Variants in PCDHA4 observed in about 807,000 individuals in gnomAD.
The protein encoded by PCDHA4 is protocadherin alpha 4.
A neutral mutation model predicts 61.4 loss-of-function variants in PCDHA4; 49 were observed. The ratio of observed to expected loss-of-function variants is 0.80; its 90% CI spans 0.63 to 1.01. PCDHA4 has a LOEUF of 1.01. Ranked by LOEUF, PCDHA4 falls within the 50% of genes least tolerant of loss-of-function variation. PCDHA4 has a pLI of 0.00. For synonymous variants in PCDHA4, 590 were observed against 550.3 expected, an observed-to-expected ratio of 1.07 and a Z score of -1.01; for missense variants, 1,254 against 1,235.8, an observed-to-expected ratio of 1.01 and a Z score of -0.22.
intron 1 of PCDHA4, chr5:140,835,471 C>G: frequency 6.2e-7 from 1 of 1,613,934 alleles, no homozygotes. Context: ...CCAGAGGACG[C>G]CCAACCAGGT....
At chr5:140,995,390 C>A (rs1198231096) in intron 3 of PCDHA4, among the ~76,000 whole-genome samples, 1 of 152,088 alleles carries the variant, frequency 6.6e-6, no homozygotes, top group Non-Finnish European at 1.5e-5. Flanking sequence ...CAGGATAAAG[C>A]GGGATGGCTC....
intron 1 of PCDHA4, chr5:140,835,983 C>T (rs1290587139): frequency 1.2e-6 from 2 of 1,613,326 alleles, no homozygotes; most frequent in Non-Finnish European, 1.7e-6. Flanking sequence ...GTTGCAGTTC[C>T]AGGTGAGCGC....
rs2150341542 is a variant in PCDHA4, at chr5:140,842,668, C to A, written c.2385+33096C>A. 1.2e-5 allele frequency: 19 copies of A among 1,595,382 alleles called. 1 individual carries two copies. Among genetic ancestry groups the A allele is most frequent in the East Asian group, 2.2e-5 (1 of 44,804 alleles). ...TGTCTGTGGAGGTGGCCGACGTGAACGACAATGCTCCGGCGTTCGCGCAGC... is the reference window on the plus strand; with the variant it reads ...TGTCTGTGGAGGTGGCCGACGTGAAAGACAATGCTCCGGCGTTCGCGCAGC... On this transcript the variant is annotated intron_variant, in intron 1 of 3. Transcript: ENST00000530339.
At chr5:140,872,547 A>G (rs1438827788) in intron 1 of PCDHA4, among the ~76,000 whole-genome samples, 1 of 152,128 alleles carries the variant, frequency 6.6e-6, no homozygotes, top group Non-Finnish European at 1.5e-5. Context: ...GGATCCCCTG[A>G]ACCCAGGGGT....
intron 1 of PCDHA4, chr5:140,849,391 G>A: frequency 1.3e-6 from 2 of 1,539,768 alleles, no homozygotes; most frequent in South Asian, 1.1e-5. Flanking sequence ...GACCCCTTAA[G>A]TGGGGCAATC....
At position 140,968,051 on chromosome 5, in the gene PCDHA4, C is replaced by A. The variant is rs1353005851; in HGVS notation, c.2386-10898C>A. On this transcript the variant is annotated intron_variant, in intron 1 of 3. Transcript: ENST00000530339. ...ACTGGTGGTGAGCGGCCCACTGGACCGAGAGCGGGTGGCTGTCTACAACAT... is the reference window on the plus strand; with the variant it reads ...ACTGGTGGTGAGCGGCCCACTGGACAGAGAGCGGGTGGCTGTCTACAACAT... The A allele has an allele frequency of 1.9e-6, 3 of 1,614,018 alleles. No homozygotes were observed. The Admixed American group carries it at 5.0e-5, about 27-fold the overall frequency.
chr5:140,927,529 C>G, intron 1 of PCDHA4: 2 of 1,614,098 alleles, frequency 1.2e-6, no homozygotes, highest in South Asian at 1.1e-5. Flanking sequence ...GCTACCTGCC[C>G]GCTCAGGAGA....
intron 1 of PCDHA4, chr5:140,882,638 A>G (rs2059233239): frequency 5.0e-6 from 8 of 1,614,116 alleles, no homozygotes; most frequent in African/African-American, 1.3e-5. Context: ...GGTGAAGGTG[A>G]GGGACATTAA....
intron 1 of PCDHA4, among the ~76,000 whole-genome samples, chr5:140,840,697 A>G (rs2150308964): frequency 0.01 from 1,558 of 152,188 alleles, 49 homozygotes; most frequent in African/African-American, 0.036. Context: ...AAAACGGTTC[A>G]GGCAATTTGA....
chr5:140,982,499 C>T lies in PCDHA4; in HGVS notation c.2469C>T (p.Gly823=). The T allele has an allele frequency of 6.2e-7, 1 of 1,614,184 alleles. No individual in the cohort carries two copies. The highest frequency in any genetic ancestry group is 8.5e-7 in the Non-Finnish European group (1 of 1,180,024). The part of the protein sequence containing the change: ...MHSSVHLEEA[G]ILRAGPGGPD... Reference sequence around the variant, plus strand: ...GCTCTGTGCACCTAGAGGAGGCTGGCATTCTACGGGCTGGTCCAGGAGGGC... The same window carrying T: ...GCTCTGTGCACCTAGAGGAGGCTGGTATTCTACGGGCTGGTCCAGGAGGGC... The change falls in exon 3 of 4, where the codon GGC becomes GGT. Residue 823 remains glycine (G), a synonymous_variant. Transcript: ENST00000530339.
chr5:140,830,567 G>A (rs1771136580), intron 1 of PCDHA4: 1 of 951,116 alleles, frequency 1.1e-6, no homozygotes, highest in Non-Finnish European at 1.4e-6. Flanking sequence ...CTATATTTCT[G>A]TTTTTAATTT....
In PCDHA4 at chr5:140,913,634, C is replaced by T. The variant is rs145807488; in HGVS notation, c.2386-65315C>T. On this transcript the variant is annotated intron_variant, in intron 1 of 3. Transcript: ENST00000530339. ...TACTAATTTTGGATTCAGTTTGCTG[C>T]TGCTTTTCTAGTTCTTTAAGATGTA... Among the ~76,000 whole-genome samples the T allele has an allele frequency of 8.0e-3, 1,219 of 152,090 alleles. 7 individuals carry two copies. Among genetic ancestry groups the T allele is most frequent in the African/African-American group, 0.019 (785 of 41,506 alleles).
chr5:140,854,329 T>C lies in PCDHA4; in HGVS notation c.2385+44757T>C, dbSNP rs1380061038. The C allele has an allele frequency of 1.9e-5, 4 of 216,048 alleles. 1 individual carries two copies. The highest frequency in any genetic ancestry group is 3.1e-5 in the Non-Finnish European group (4 of 127,638). 13.4% of individuals were successfully genotyped at this position (216,048 alleles called of 1,614,324 possible). ...AGATGATTGATCAATGGCAAACTTA[T>C]TTTACGCTCCAGATAGCTAAAACAA... On this transcript the variant is annotated intron_variant, in intron 1 of 3. Coordinates refer to ENST00000530339, the MANE Select transcript of PCDHA4 (RefSeq NM_018907.4).
At chr5:140,825,083 T>C (rs1251888987) in intron 1 of PCDHA4, 2 of 151,882 alleles carry the variant, frequency 1.3e-5, no homozygotes, top group Admixed American at 6.6e-5. Flanking sequence ...TCTGGTATCC[T>C]TCTAGAGATT....
Position 140,853,770 on chromosome 5 carries a change from A to G in PCDHA4, c.2385+44198A>G. 3 of 988,146 alleles carry G rather than the reference A, an allele frequency of 3.0e-6. No homozygotes were observed. In the South Asian group the frequency reaches 1.4e-4, roughly 47 times the overall value. 61.2% of individuals were successfully genotyped at this position (988,146 alleles called of 1,614,324 possible). On this transcript the variant is annotated intron_variant, in intron 1 of 3. Coordinates refer to ENST00000530339, the MANE Select transcript of PCDHA4 (RefSeq NM_018907.4). ...CAAGGCTCCACCTCAGAAATTCTGA[A>G]ATGGGTAGTAAGAGCAAATTTTCAT...
Position 140,858,345 on chromosome 5 carries a change from A to G in PCDHA4, c.2385+48773A>G, listed in dbSNP as rs782668038. 4 of 1,594,626 alleles carry G rather than the reference A, an allele frequency of 2.5e-6. 1 individual carries two copies. The African/African-American group carries it at 5.4e-5, about 21-fold the overall frequency. On this transcript the variant is annotated intron_variant, in intron 1 of 3. Coordinates refer to ENST00000530339, the MANE Select transcript of PCDHA4 (RefSeq NM_018907.4). ...TCTGGGGAGGGCCTGCCCAAGGCGGACCTCATGGCCTTCAGCCCCAGCCTT... is the reference window on the plus strand; with the variant it reads ...TCTGGGGAGGGCCTGCCCAAGGCGGGCCTCATGGCCTTCAGCCCCAGCCTT...
chr5:140,982,566 A>C lies in PCDHA4; in HGVS notation c.2533+3A>C. 1.2e-6 allele frequency: 2 copies of C among 1,614,088 alleles called. No individual in the cohort carries two copies. Among genetic ancestry groups the C allele is most frequent in the Non-Finnish European group, 1.7e-6 (2 of 1,179,950 alleles). ...AACAGTATCCAGTGCAACACCAGGT[A>C]AAGAGCTGGGGTCTCTCCATTCTTT... is the stretch of plus-strand genomic sequence containing the variant. On this transcript the variant is annotated splice_donor_region_variant and intron_variant, in intron 3 of 3. Transcript: ENST00000530339.
rs1764491957 is a variant in PCDHA4, at chr5:140,809,532, GAGA to G, written c.2349_2351del (p.Glu783del). 4 of 1,613,958 alleles carry G rather than the reference GAGA, an allele frequency of 2.5e-6. No individual in the cohort carries two copies. The East Asian group carries it at 6.7e-5, about 27-fold the overall frequency. On this transcript the variant is annotated inframe_deletion, in exon 1 of 4. Coordinates refer to ENST00000530339, the MANE Select transcript of PCDHA4 (RefSeq NM_018907.4). The stretch of plus-strand genomic sequence containing the variant: ...CCCAGTTTACCTGACTCTAGGGACA[GAGA>G]AGATCAGCTGCAGACAACTGAGGAA...
intron 1 of PCDHA4, chr5:140,841,882 T>C (rs2150324666): frequency 1.2e-6 from 2 of 1,613,800 alleles, no homozygotes; most frequent in East Asian, 4.5e-5. Context: ...CAAAGAACGA[T>C]GAGAATAAAC....
Sources: allele counts gnomAD v4.1 joint callset (sites outside exome capture counted in the v4.1 genomes callset), GRCh38; gene constraint gnomAD v4.1.1; transcripts MANE v1.5; gene names NCBI Gene and HGNC (gene_info 2026-07-23, HGNC 2026-07-21).